AIDA: variants seen among roughly 807,000 people sequenced by gnomAD.
The protein encoded by AIDA is axin interactor, dorsalization associated.
In AIDA, 18 loss-of-function variants were observed where a neutral mutation model predicts 42.7. The observed-to-expected ratio is 0.42, with a 90% CI of 0.29 to 0.63. AIDA has a LOEUF of 0.63. AIDA is among the 20% of genes least tolerant of loss of function. The probability of loss-of-function intolerance (pLI) is 0.19; values close to 1 mark genes in which losing one functional copy is unlikely to be tolerated. For synonymous variants in AIDA, 104 were observed against 122.9 expected, an observed-to-expected ratio of 0.85 and a Z score of 1.02; for missense variants, 250 against 354.1, an observed-to-expected ratio of 0.71 and a Z score of 2.36.
At chr1:222,711,840 GA>G in intron 1 of AIDA, 1 of 238,806 alleles carries the variant, frequency 4.2e-6, no homozygotes, top group Non-Finnish European at 8.4e-6. Context: ...GGAAATCGAG[GA>G]AAAGCAACCT....
At chr1:222,678,906 T>C (rs1236257971) in intron 6 of AIDA, among the ~76,000 whole-genome samples, 1 of 152,240 alleles carries the variant, frequency 6.6e-6, no homozygotes, top group Admixed American at 6.5e-5. Flanking sequence ...TGTCCACCTC[T>C]AACCATGATG....
chr1:222,689,520 T>TATATATATACACACAC (rs765351898), intron 4 of AIDA, among the ~76,000 whole-genome samples: 1 of 58,102 alleles, frequency 1.7e-5, no homozygotes, highest in East Asian at 4.4e-4. Context: ...TATATATATA[T>TATATATATACACACAC]ACACACATAC....
chr1:222,700,185 C>G (rs1655651094), intron 2 of AIDA, among the ~76,000 whole-genome samples: 1 of 152,214 alleles, frequency 6.6e-6, no homozygotes, highest in Admixed American at 6.5e-5. Context: ...GTAGTCTCAA[C>G]TGGCAGCCAC....
chr1:222,696,081 A>T (rs896894048), intron 2 of AIDA, among the ~76,000 whole-genome samples: 4 of 152,228 alleles, frequency 2.6e-5, no homozygotes, highest in Non-Finnish European at 5.9e-5. Context: ...CACAATCTCT[A>T]AAAATTAGTT....
At chr1:222,682,312 T>C (rs1558209516) in intron 6 of AIDA, among the ~76,000 whole-genome samples, 1 of 152,166 alleles carries the variant, frequency 6.6e-6, no homozygotes, top group Non-Finnish European at 1.5e-5. Flanking sequence ...AAAGAGGCAA[T>C]GCCTTCTCAG....
intron 8 of AIDA, 85 bp from the exon 9 acceptor site, chr1:222,670,335 T>G: frequency 9.4e-7 from 1 of 1,060,614 alleles, no homozygotes. Flanking sequence ...CAGAAGCATA[T>G]GAACAGCTAC....
intron 2 of AIDA, among the ~76,000 whole-genome samples, 172 bp from the exon 3 acceptor site, chr1:222,694,435 G>C (rs1370026955): frequency 6.6e-6 from 1 of 152,136 alleles, no homozygotes; most frequent in Non-Finnish European, 1.5e-5. Flanking sequence ...GCAAAGGGTT[G>C]GGATGAGGGA....
intron 2 of AIDA, among the ~76,000 whole-genome samples, chr1:222,695,925 GGA>G (rs1458109613): frequency 6.6e-6 from 1 of 152,074 alleles, no homozygotes; most frequent in Non-Finnish European, 1.5e-5. Context: ...GGAGCAAATT[GGA>G]GTAACAAGTG....
At chr1:222,707,501 A>G (rs774483630) in intron 1 of AIDA, among the ~76,000 whole-genome samples, 5 of 152,224 alleles carry the variant, frequency 3.3e-5, no homozygotes, top group Non-Finnish European at 5.9e-5. Context: ...TTAATTTTCT[A>G]TATCCACAAA....
rs567934206 is a variant in AIDA, at chr1:222,707,997, G to C, written c.110+4211C>G. The stretch of plus-strand genomic sequence containing the variant: ...TGTGGACCACACTTTAAGTAGCAGA[G>C]ACATAAAGCACAGCAAAAATGACAA... On this transcript the variant is annotated intron_variant, in intron 1 of 9. Transcript: ENST00000340020. 3.5e-4 allele frequency among the ~76,000 whole-genome samples: 53 copies of C among 152,158 alleles called. 1 individual carries two copies. Among genetic ancestry groups the C allele is most frequent in the Non-Finnish European group, 1.2e-4 (8 of 68,038 alleles).
chr1:222,681,289 C>T (rs1480080395), intron 6 of AIDA, among the ~76,000 whole-genome samples: 2 of 152,164 alleles, frequency 1.3e-5, no homozygotes, highest in African/African-American at 4.8e-5. Flanking sequence ...TATCAAAATT[C>T]TCACAAATAA....
intron 6 of AIDA, 107 bp downstream of exon 6, chr1:222,686,823 G>C (rs752916678): frequency 8.8e-6 from 12 of 1,365,672 alleles, no homozygotes; most frequent in African/African-American, 1.5e-5. Flanking sequence ...ATTGGCATGA[G>C]CTTTAGAGTG....
At chr1:222,670,959 C>T (rs1664436668) in intron 8 of AIDA, among the ~76,000 whole-genome samples, 1 of 152,132 alleles carries the variant, frequency 6.6e-6, no homozygotes, top group Non-Finnish European at 1.5e-5. Flanking sequence ...TGGCTCATGC[C>T]TGTAATCCCA....
chr1:222,676,803 T>G (rs930191353), intron 6 of AIDA, among the ~76,000 whole-genome samples: 5 of 151,982 alleles, frequency 3.3e-5, no homozygotes, highest in Non-Finnish European at 5.9e-5. Flanking sequence ...CTACAGGCAT[T>G]TGCCACTAGT....
chr1:222,686,794 C>T, intron 6 of AIDA, 136 bp downstream of exon 6: 5 of 1,006,306 alleles, frequency 5.0e-6, no homozygotes, highest in Non-Finnish European at 7.2e-6. Context: ...ATAGCTACTG[C>T]CAATAAAATT....
At chr1:222,674,898 C>T (rs949978695) in intron 7 of AIDA, among the ~76,000 whole-genome samples, 7 of 152,188 alleles carry the variant, frequency 4.6e-5, no homozygotes, top group Non-Finnish European at 7.3e-5. Flanking sequence ...TTAACAGTTA[C>T]TACACTATCA....
At chr1:222,686,896 T>A (rs1241061505) in intron 6 of AIDA, 34 bp downstream of exon 6, 2 of 1,598,258 alleles carry the variant, frequency 1.3e-6, no homozygotes, top group East Asian at 4.5e-5. Flanking sequence ...TGGTTGCAGT[T>A]AAATAATGTT....
At chr1:222,686,851 G>A in intron 6 of AIDA, 79 bp downstream of exon 6, 1 of 1,518,978 alleles carries the variant, frequency 6.6e-7, no homozygotes, top group Non-Finnish European at 8.9e-7. Context: ...TGCCCCACTA[G>A]CAAATACCAA....
intron 1 of AIDA, 45 bp downstream of exon 1, chr1:222,712,163 C>G: frequency 6.4e-7 from 1 of 1,555,802 alleles, no homozygotes; most frequent in South Asian, 1.2e-5. Flanking sequence ...GGGAGAGGCG[C>G]ACGACTGGAG....
Sources: allele counts gnomAD v4.1 joint callset (sites outside exome capture counted in the v4.1 genomes callset), GRCh38; gene constraint gnomAD v4.1.1; transcripts MANE v1.5; gene names NCBI Gene and HGNC (gene_info 2026-07-23, HGNC 2026-07-21).